PLXNC1: variants seen among roughly 807,000 people sequenced by gnomAD.
PLXNC1 encodes the protein plexin C1, also known as plexin-C1.
In PLXNC1, 75 loss-of-function variants were observed where a neutral mutation model predicts 178.2. The observed-to-expected ratio is 0.42, with a 90% confidence interval of 0.35 to 0.51. The LOEUF (loss-of-function observed/expected upper bound fraction) is 0.51. PLXNC1 is among the 20% of genes least tolerant of loss of function. The pLI, the probability that PLXNC1 is intolerant of heterozygous loss-of-function variation, is 0.02. For synonymous variants in PLXNC1, 790 were observed against 779.9 expected, an observed-to-expected ratio of 1.01 and a Z score of -0.22; for missense variants, 1,503 against 1,984.4, an observed-to-expected ratio of 0.76 and a Z score of 4.61.
chr12:94,244,932 T>G (rs890249257), intron 12 of PLXNC1, among the ~76,000 whole-genome samples: 3 of 152,124 alleles, frequency 2.0e-5, no homozygotes, highest in African/African-American at 7.2e-5. Flanking sequence ...CCTTTTTCCC[T>G]CTCCTTGATG....
At chr12:94,228,909 G>A (rs931261810) in intron 9 of PLXNC1, among the ~76,000 whole-genome samples, 3 of 152,148 alleles carry the variant, frequency 2.0e-5, no homozygotes, top group Non-Finnish European at 4.4e-5. Flanking sequence ...AGTTCTTTTC[G>A]GTATATGCCC....
At chr12:94,262,647 C>A in intron 20 of PLXNC1, 1 of 985,436 alleles carries the variant, frequency 1.0e-6, no homozygotes, top group Non-Finnish European at 1.2e-6. Context: ...CCCGCTGGTG[C>A]AGGGGTCTGA....
chr12:94,208,297 G>A (rs762540817), intron 4 of PLXNC1, among the ~76,000 whole-genome samples: 6 of 152,176 alleles, frequency 3.9e-5, no homozygotes, highest in Non-Finnish European at 7.3e-5. Flanking sequence ...GTCAGAAGCC[G>A]GTGACATGCT....
chr12:94,255,714 TG>T (rs1439469773), intron 17 of PLXNC1, among the ~76,000 whole-genome samples: 3 of 152,210 alleles, frequency 2.0e-5, no homozygotes, highest in Non-Finnish European at 4.4e-5. Context: ...ACTTCTCAAT[TG>T]GAAAGGAAAA....
chr12:94,301,080 C>T (rs1268770639), intron 28 of PLXNC1, 23 bp downstream of exon 28: 7 of 1,610,250 alleles, frequency 4.3e-6, no homozygotes, highest in Non-Finnish European at 5.1e-6. Context: ...TTGAGTATTT[C>T]TTGTATGCAG....
chr12:94,173,803 G>A (rs534568445), intron 2 of PLXNC1, among the ~76,000 whole-genome samples: 24 of 152,284 alleles, frequency 1.6e-4, no homozygotes, highest in African/African-American at 5.1e-4. Flanking sequence ...AGAAGGGGCC[G>A]AGAACCCTGT....
intron 20 of PLXNC1, among the ~76,000 whole-genome samples, chr12:94,261,613 C>T (rs1452708447): frequency 1.3e-5 from 2 of 152,152 alleles, no homozygotes; most frequent in African/African-American, 4.8e-5. Flanking sequence ...CTGTTGAACT[C>T]GATCTTCACC....
intron 20 of PLXNC1, among the ~76,000 whole-genome samples, chr12:94,261,254 C>T (rs2136082171): frequency 6.6e-6 from 1 of 152,336 alleles, no homozygotes; most frequent in East Asian, 1.9e-4. Context: ...CAATTCCTAC[C>T]AGTCATTCCG....
At chr12:94,226,881 G>T (rs1165348830) in intron 8 of PLXNC1, among the ~76,000 whole-genome samples, 174 bp downstream of exon 8, 1 of 152,116 alleles carries the variant, frequency 6.6e-6, no homozygotes, top group Non-Finnish European at 1.5e-5. Context: ...AAGTTAGTGG[G>T]GTGTGGTGGC....
intron 4 of PLXNC1, among the ~76,000 whole-genome samples, chr12:94,196,421 G>A (rs1038943516): frequency 9.2e-5 from 14 of 152,078 alleles, no homozygotes; most frequent in Admixed American, 5.2e-4. Context: ...CACCCTAGCC[G>A]TGTGACACAC....
intron 21 of PLXNC1, among the ~76,000 whole-genome samples, chr12:94,275,366 T>C (rs1488926213): frequency 2.0e-5 from 3 of 152,194 alleles, no homozygotes; most frequent in African/African-American, 4.8e-5. Flanking sequence ...GCCGGAGAGA[T>C]GGCGCTTCCA....
chr12:94,240,635 C>G lies in PLXNC1; in HGVS notation c.2271C>G (p.Ser757=). 6.2e-7 allele frequency: 1 copy of G among 1,613,090 alleles called. No homozygotes were observed. The highest frequency in any genetic ancestry group is 8.5e-7 in the Non-Finnish European group (1 of 1,179,456). ...CCTACATTGCTCTGCCACATTGTTCCCTTATATTTCCTGCTACCACCTGGA... is the reference window on the plus strand; with the variant it reads ...CCTACATTGCTCTGCCACATTGTTCGCTTATATTTCCTGCTACCACCTGGA... The part of the protein sequence containing the change: ...SLSYIALPHC[S]LIFPATTWIS... Residue 757 remains serine (S), a synonymous_variant, in exon 11 of 31, where the codon TCC becomes TCG. Transcript: ENST00000258526.
At chr12:94,252,212 C>A (rs1008799641) in intron 15 of PLXNC1, among the ~76,000 whole-genome samples, 1 of 152,120 alleles carries the variant, frequency 6.6e-6, no homozygotes, top group Non-Finnish European at 1.5e-5. Flanking sequence ...GACCACCCCC[C>A]ACCACCCATC....
intron 21 of PLXNC1, among the ~76,000 whole-genome samples, chr12:94,273,365 T>C (rs771209407): frequency 3.9e-5 from 6 of 152,110 alleles, no homozygotes; most frequent in Non-Finnish European, 8.8e-5. Flanking sequence ...TTCTGTAGAC[T>C]TCCTGACCTG....
Position 94,255,154 on chromosome 12 carries a change from G to T in PLXNC1, c.2984-39G>T, listed in dbSNP as rs1964805451. ...CAGCAGAAGATCCTATCCATTGTTT[G>T]TTGAGTTAAAATATTGCTCTTGGGA... is the stretch of plus-strand genomic sequence containing the variant. On this transcript the variant is annotated intron_variant, in intron 16 of 30. Transcript: ENST00000258526. The T allele has an allele frequency of 2.1e-6, 3 of 1,460,008 alleles. No individual in the cohort carries two copies. The South Asian group carries it at 3.4e-5, about 17-fold the overall frequency. The allele number at this position is 1,460,008 out of a possible 1,614,324, so 90.4% of individuals were successfully genotyped here.
At chr12:94,196,348 G>A (rs1275650601) in intron 4 of PLXNC1, among the ~76,000 whole-genome samples, 2 of 152,086 alleles carry the variant, frequency 1.3e-5, no homozygotes, top group African/African-American at 4.8e-5. Flanking sequence ...TTCTCACTCT[G>A]AGTTCACAGG....
chr12:94,186,929 C>T (rs1187838395), intron 4 of PLXNC1, among the ~76,000 whole-genome samples: 1 of 152,258 alleles, frequency 6.6e-6, no homozygotes, highest in African/African-American at 2.4e-5. Flanking sequence ...TAATGCGCCG[C>T]GCAGCTGTGG....
intron 28 of PLXNC1, 25 bp downstream of exon 28, chr12:94,301,082 T>A: frequency 6.2e-7 from 1 of 1,610,064 alleles, no homozygotes; most frequent in Non-Finnish European, 8.5e-7. Flanking sequence ...GAGTATTTCT[T>A]GTATGCAGTC....
chr12:94,296,565 C>G (rs1025755672), intron 24 of PLXNC1, among the ~76,000 whole-genome samples: 1 of 152,206 alleles, frequency 6.6e-6, no homozygotes, highest in Non-Finnish European at 1.5e-5. Flanking sequence ...CTACTCTTGA[C>G]TTGCTCTGTG....
Sources: allele counts gnomAD v4.1 joint callset (sites outside exome capture counted in the v4.1 genomes callset), GRCh38; gene constraint gnomAD v4.1.1; transcripts MANE v1.5; gene names NCBI Gene and HGNC (gene_info 2026-07-23, HGNC 2026-07-21).